Variants in ULK4 observed in about 807,000 individuals in gnomAD.
The protein encoded by ULK4 is unc-51 like kinase 4.
ULK4 carries 133 observed loss-of-function variants against 160.6 expected under a neutral mutation model. That is an observed-to-expected ratio of 0.83 (90% CI 0.72 to 0.96). The LOEUF (loss-of-function observed/expected upper bound fraction) is 0.96. ULK4 is among the 40% of genes least tolerant of loss of function. ULK4 has a pLI of 0.00. For synonymous variants in ULK4, 534 were observed against 539.8 expected (o/e 0.99, Z 0.15); for missense variants, 1,580 against 1,499.5 (o/e 1.05, Z -0.89).
intron 34 of ULK4, among the ~76,000 whole-genome samples, chr3:41,445,387 T>C (rs1362201571): frequency 6.6e-6 from 1 of 152,120 alleles, no homozygotes; most frequent in Non-Finnish European, 1.5e-5. Context: ...CAAGTTCATA[T>C]GGAACCAAAA....
At chr3:41,897,574 T>C (rs1698204902) in intron 14 of ULK4, among the ~76,000 whole-genome samples, 1 of 152,150 alleles carries the variant, frequency 6.6e-6, no homozygotes. Flanking sequence ...GTAAATATAA[T>C]CTCCTAAATA....
At chr3:41,768,879 G>A (rs1443932166) in intron 21 of ULK4, among the ~76,000 whole-genome samples, 1 of 152,118 alleles carries the variant, frequency 6.6e-6, no homozygotes, top group Admixed American at 6.5e-5. Flanking sequence ...TGACAGTGAG[G>A]TATGTTACTG....
At chr3:41,335,460 G>T (rs1453003551) in intron 35 of ULK4, among the ~76,000 whole-genome samples, 1 of 152,092 alleles carries the variant, frequency 6.6e-6, no homozygotes, top group Non-Finnish European at 1.5e-5. Flanking sequence ...TTGGAAATTG[G>T]TAAAAATATA....
At chr3:41,724,843 A>C (rs764943918) in intron 22 of ULK4, among the ~76,000 whole-genome samples, 2 of 152,246 alleles carry the variant, frequency 1.3e-5, no homozygotes, top group Non-Finnish European at 2.9e-5. Flanking sequence ...TGATTAAACT[A>C]AATTTTCCTG....
Position 41,919,778 on chromosome 3 carries a change from A to C in ULK4, c.582T>G (p.Ala194=). The change falls in exon 6 of 37, where the codon GCT becomes GCG. Residue 194 remains alanine, a synonymous_variant. Transcript: ENST00000301831. The part of the protein sequence containing the change: ...VYTAPEVVRG[A]DFSISSDLWS... ...AGAGGTCACTGGAGATGGAAAAGTC[A>C]GCACCCCTCACAACTTCTGGTGCTG... 1 of 1,614,134 alleles carries C rather than the reference A, an allele frequency of 6.2e-7. No homozygotes were observed. The highest frequency in any genetic ancestry group is 8.5e-7 in the Non-Finnish European group (1 of 1,180,002).
intron 35 of ULK4, among the ~76,000 whole-genome samples, chr3:41,304,359 C>T (rs1413339495): frequency 6.6e-6 from 1 of 151,272 alleles, no homozygotes; most frequent in East Asian, 1.9e-4. Flanking sequence ...GAACAATCTG[C>T]CTAGTGTATA....
At position 41,840,943 on chromosome 3, in the gene ULK4, G is replaced by A. The variant is rs1248176336; in HGVS notation, c.1657-4972C>T. Among the ~76,000 whole-genome samples the A allele has an allele frequency of 4.0e-4, 59 of 148,818 alleles. 1 individual carries two copies. Among genetic ancestry groups the A allele is most frequent in the Non-Finnish European group, 1.3e-4 (9 of 67,190 alleles). On this transcript the variant is annotated intron_variant, in intron 17 of 36. Coordinates refer to ENST00000301831, the MANE Select transcript of ULK4 (RefSeq NM_017886.4). ...TGGGATGTGAGGAGCGCCTCTGCCC[G>A]GCCACCCCGTCTGGGAAGTGAGGAG...
At chr3:41,646,264 G>A (rs1235164024) in intron 30 of ULK4, among the ~76,000 whole-genome samples, 1 of 152,176 alleles carries the variant, frequency 6.6e-6, no homozygotes, top group Non-Finnish European at 1.5e-5. Flanking sequence ...TTGCTCGTTA[G>A]TTGATGCAGT....
At chr3:41,893,587 G>A (rs1008127759) in intron 16 of ULK4, among the ~76,000 whole-genome samples, 2 of 151,474 alleles carry the variant, frequency 1.3e-5, no homozygotes, top group African/African-American at 4.9e-5. Flanking sequence ...AGAAAAAGCA[G>A]GCACAAAGAT....
At chr3:41,756,120 A>G (rs1379490768) in intron 21 of ULK4, among the ~76,000 whole-genome samples, 2 of 152,138 alleles carry the variant, frequency 1.3e-5, no homozygotes, top group Admixed American at 6.5e-5. Context: ...CTCAGTGACT[A>G]CTCTAAACAT....
chr3:41,804,120 T>C lies in ULK4; in HGVS notation c.1849-3827A>G, dbSNP rs1252893717. 8.5e-4 allele frequency among the ~76,000 whole-genome samples: 129 copies of C among 151,854 alleles called. 2 individuals are homozygous for C. Among genetic ancestry groups the C allele is most frequent in the African/African-American group, 3.1e-3 (126 of 41,192 alleles). ...CCCACCAACACTGTAAAAGTGTTCC[T>C]ATTTCTCCACATCCTCTCCAGCACC... On this transcript the variant is annotated intron_variant, in intron 19 of 36. Transcript: ENST00000301831.
chr3:41,831,105 G>A (rs1008047328), intron 18 of ULK4, among the ~76,000 whole-genome samples: 5 of 151,858 alleles, frequency 3.3e-5, no homozygotes, highest in Admixed American at 6.6e-5. Context: ...ACGGCTCACT[G>A]CAGCCTCAAC....
At chr3:41,402,488 T>G (rs866204220) in intron 34 of ULK4, among the ~76,000 whole-genome samples, 52 of 152,294 alleles carry the variant, frequency 3.4e-4, no homozygotes, top group African/African-American at 1.1e-3. Context: ...GTGCTAGCTG[T>G]AAATTTTTCA....
intron 35 of ULK4, among the ~76,000 whole-genome samples, chr3:41,311,175 T>C (rs1407883283): frequency 6.6e-6 from 1 of 152,152 alleles, no homozygotes; most frequent in Non-Finnish European, 1.5e-5. Context: ...CTCAATTTAA[T>C]GGACATTATC....
chr3:41,701,796 T>C (rs1052625413), intron 27 of ULK4, among the ~76,000 whole-genome samples: 3 of 152,160 alleles, frequency 2.0e-5, no homozygotes, highest in Non-Finnish European at 4.4e-5. Flanking sequence ...TAAGTGGAGT[T>C]AAGCAGGCTA....
chr3:41,343,153 A>C (rs758475981), intron 35 of ULK4, among the ~76,000 whole-genome samples: 1 of 152,174 alleles, frequency 6.6e-6, no homozygotes, highest in Non-Finnish European at 1.5e-5. Flanking sequence ...TATTCAAGAT[A>C]GTATTAGAAG....
At chr3:41,714,261 C>T (rs1385790942) in intron 25 of ULK4, among the ~76,000 whole-genome samples, 2 of 152,118 alleles carry the variant, frequency 1.3e-5, no homozygotes, top group South Asian at 2.1e-4. Context: ...TACTGCATTG[C>T]TTCCTAAAAA....
chr3:41,385,242 AT>A (rs2081778666), intron 35 of ULK4, among the ~76,000 whole-genome samples: 1 of 152,134 alleles, frequency 6.6e-6, no homozygotes. Context: ...TGCCCGTCCT[AT>A]GATTCTTTCA....
chr3:41,336,047 T>C (rs992365571), intron 35 of ULK4, among the ~76,000 whole-genome samples: 2 of 152,302 alleles, frequency 1.3e-5, no homozygotes, highest in African/African-American at 4.8e-5. Context: ...GACAGCTGAA[T>C]GCCTATGTGA....
Sources: allele counts gnomAD v4.1 joint callset (sites outside exome capture counted in the v4.1 genomes callset), GRCh38; gene constraint gnomAD v4.1.1; transcripts MANE v1.5; gene names NCBI Gene and HGNC (gene_info 2026-07-23, HGNC 2026-07-21).